RALGAPA1: variants seen among roughly 807,000 people sequenced by gnomAD.
RALGAPA1 encodes ral GTPase-activating protein subunit alpha-1.
RALGAPA1 carries 52 observed loss-of-function variants against 269.6 expected under a neutral mutation model. The ratio of observed to expected loss-of-function variants is 0.19; its 90% CI spans 0.15 to 0.24. The LOEUF is 0.24. Ranked by LOEUF, RALGAPA1 falls within the 10% of genes least tolerant of loss-of-function variation. The pLI is 1.00. For synonymous variants in RALGAPA1, 817 were observed against 1,008.3 expected (o/e 0.81, Z 3.60); for missense variants, 1,917 against 3,013.9 (o/e 0.64, Z 8.52).
At chr14:35,554,447 C>G (rs1239930027) in intron 39 of RALGAPA1, among the ~76,000 whole-genome samples, 1 of 145,636 alleles carries the variant, frequency 6.9e-6, no homozygotes, top group Admixed American at 7.0e-5. Flanking sequence ...CCCGGGTTCA[C>G]GCCATTCTCC....
rs1164425866 is a variant in RALGAPA1, at chr14:35,603,145, C to A, written c.7053+2441G>T. 5.3e-5 allele frequency among the ~76,000 whole-genome samples: 8 copies of A among 152,182 alleles called. No homozygotes were observed. The East Asian group carries it at 1.5e-3, about 29-fold the overall frequency. On this transcript the variant is annotated intron_variant, in intron 36 of 41. Transcript: ENST00000680220. ...CCACACTATCTTCTTTTTCTTTTTC[C>A]TAAGTTCTGCCCCAGGATCTATCCA...
In RALGAPA1 at chr14:35,725,100, G is replaced by A. The variant is rs2069769523; in HGVS notation, c.1790C>T (p.Pro597Leu). 3.1e-6 allele frequency: 5 copies of A among 1,607,946 alleles called. No homozygotes were observed. The highest frequency in any genetic ancestry group is 2.7e-5 in the African/African-American group (2 of 74,744). The stretch of plus-strand genomic sequence containing the variant: ...TTGGAACTGTAGAAAAGCTTGTGAT[G>A]GCATCTTCAGTACAGATTCCGTGAC... ...LRVTESVLKM[P>L]SQAFLQFQGK... The change falls in exon 14 of 42, where the codon CCA becomes CTA. Residue 597 changes from proline (P) to leucine (L), a missense_variant. Pro to Leu is a moderately conservative substitution (Grantham distance 98, BLOSUM62 -3). Around this residue, in one of 11 missense-constraint regions of RALGAPA1, gnomAD observed 462 missense variants for 725.6 expected, o/e 0.64. Coordinates refer to ENST00000680220, the MANE Select transcript of RALGAPA1 (RefSeq NM_001346249.2).
In RALGAPA1 at chr14:35,760,870, G is replaced by T; in HGVS notation, c.506C>A (p.Thr169Asn). The change falls in exon 6 of 42, where the codon ACT becomes AAT. Residue 169 changes from threonine (T) to asparagine (N), a missense_variant. By Grantham distance (65) the Thr-to-Asn change is moderately conservative (BLOSUM62 0). Coordinates refer to ENST00000680220, the MANE Select transcript of RALGAPA1 (RefSeq NM_001346249.2). ...TGGAGGATTAATGAGATTATCTAAA[G>T]TTCGAGGTCCATGTTCAGACTGTGG... The part of the protein sequence containing the change: ...SAPQSEHGPR[T>N]LDNLINPPLN... The T allele has an allele frequency of 6.2e-7, 1 of 1,612,052 alleles. No homozygotes were observed. Among genetic ancestry groups the T allele is most frequent in the Non-Finnish European group, 8.5e-7 (1 of 1,179,204 alleles).
In RALGAPA1 at chr14:35,680,905, C is replaced by T. The variant is rs543970589; in HGVS notation, c.4472-2803G>A. The stretch of plus-strand genomic sequence containing the variant: ...CTGGGATTACAGGTGTGAGCCACCA[C>T]GCCCGGCCTATTTTATTTTTAAAAA... On this transcript the variant is annotated intron_variant, in intron 21 of 41. Coordinates refer to ENST00000680220, the MANE Select transcript of RALGAPA1 (RefSeq NM_001346249.2). Among the ~76,000 whole-genome samples the T allele has an allele frequency of 7.2e-5, 11 of 152,270 alleles. No homozygotes were observed. The East Asian group carries it at 1.9e-3, about 27-fold the overall frequency.
rs71404860 is a variant in RALGAPA1, at chr14:35,600,233, T to TTTTC, written c.7054-4445_7054-4444insGAAA. On this transcript the variant is annotated intron_variant, in intron 36 of 41. Transcript: ENST00000680220. ...CCTTTTTTTTCTTTTTCTTTTTTTC[T>TTTTC]TTTTTTTTTTTTTTTTGAGACAGGG... Among the ~76,000 whole-genome samples the TTTTC allele has an allele frequency of 4.8e-3, 398 of 82,212 alleles. 8 individuals are homozygous for TTTTC. The highest frequency in any genetic ancestry group is 0.031 in the African/African-American group (361 of 11,664). 53.9% of individuals were successfully genotyped at this position (82,212 alleles called of 152,430 possible). A position where few individuals can be genotyped will look rare whatever the true frequency, so the allele number is the denominator to read the frequency against.
At chr14:35,728,755 CAG>C (rs2070200832) in intron 12 of RALGAPA1, among the ~76,000 whole-genome samples, 1 of 147,222 alleles carries the variant, frequency 6.8e-6, no homozygotes, top group African/African-American at 2.5e-5. Context: ...TTTTTCGAGA[CAG>C]AGTCTTGTTT....
intron 36 of RALGAPA1, among the ~76,000 whole-genome samples, chr14:35,602,594 T>C (rs1446696266): frequency 6.6e-6 from 1 of 152,248 alleles, no homozygotes; most frequent in Non-Finnish European, 1.5e-5. Flanking sequence ...CATGTGCTTA[T>C]TGGTCATATA....
At position 35,686,613 on chromosome 14, in the gene RALGAPA1, C is replaced by A. The variant is rs142557972; in HGVS notation, c.4006G>T (p.Gly1336Cys). 1 of 1,608,204 alleles carries A rather than the reference C, an allele frequency of 6.2e-7. No individual in the cohort carries two copies. The highest frequency in any genetic ancestry group is 2.2e-5 in the East Asian group (1 of 44,692). The change falls in exon 19 of 42, where the codon GGC (glycine) becomes TGC (cysteine). Residue 1336 changes from glycine to cysteine, a missense_variant. This residue lies in a region of RALGAPA1 where 615 missense variants were observed against 790.0 expected (regional missense o/e 0.78). Coordinates refer to ENST00000680220, the MANE Select transcript of RALGAPA1 (RefSeq NM_001346249.2). ...AGATCAGGAACATTAGCACTGCTGCCGCCAATATCACTATTAAGAGGAGGC... is the reference window on the plus strand; with the variant it reads ...AGATCAGGAACATTAGCACTGCTGCAGCCAATATCACTATTAAGAGGAGGC... ...KLPPLNSDIG[G>C]SSANVPDLMD... is the part of the protein sequence containing the mutation.
intron 34 of RALGAPA1, 41 bp downstream of exon 34, chr14:35,627,049 G>GAAA (rs34349314): frequency 3.2e-3 from 3,570 of 1,120,668 alleles, no homozygotes; most frequent in East Asian, 8.6e-3. Flanking sequence ...GAATAAGACC[G>GAAA]AAAAAAAAAA....
chr14:35,739,348 C>G (rs2071339117), intron 11 of RALGAPA1, among the ~76,000 whole-genome samples: 1 of 152,150 alleles, frequency 6.6e-6, no homozygotes, highest in Non-Finnish European at 1.5e-5. Context: ...CCAATACAAA[C>G]AGTTCTGCCA....
chr14:35,713,194 T>C (rs973351500), intron 16 of RALGAPA1, among the ~76,000 whole-genome samples: 1 of 152,144 alleles, frequency 6.6e-6, no homozygotes, highest in Non-Finnish European at 1.5e-5. Context: ...CTTGCAGCAA[T>C]GTAGATGTAG....
intron 37 of RALGAPA1, among the ~76,000 whole-genome samples, chr14:35,588,392 G>A (rs954872377): frequency 2.0e-5 from 3 of 152,134 alleles, no homozygotes; most frequent in African/African-American, 4.8e-5. Context: ...AAAGGTCACA[G>A]GAATAAACTA....
At chr14:35,771,761 C>T (rs562399466) in intron 3 of RALGAPA1, among the ~76,000 whole-genome samples, 48 of 152,190 alleles carry the variant, frequency 3.2e-4, no homozygotes, top group Non-Finnish European at 6.2e-4. Context: ...AGCCTTAACT[C>T]CCAGACTCAA....
chr14:35,647,755 C>T (rs1009487292), intron 31 of RALGAPA1, among the ~76,000 whole-genome samples: 1 of 150,086 alleles, frequency 6.7e-6, no homozygotes, highest in Admixed American at 6.6e-5. Context: ...GAATTTGAGA[C>T]CAGCCTGGCC....
chr14:35,793,194 G>A (rs2141822300), intron 1 of RALGAPA1, among the ~76,000 whole-genome samples: 1 of 151,370 alleles, frequency 6.6e-6, no homozygotes, highest in Middle Eastern at 3.5e-3. Context: ...ATTTATTAAA[G>A]TAGACGTATT....
chr14:35,808,352 A>T (rs1236806111), intron 1 of RALGAPA1, among the ~76,000 whole-genome samples: 1 of 152,148 alleles, frequency 6.6e-6, no homozygotes, highest in African/African-American at 2.4e-5. Flanking sequence ...ATATTGTCTG[A>T]GAGAGGATTT....
intron 35 of RALGAPA1, among the ~76,000 whole-genome samples, chr14:35,613,916 A>G (rs1355383852): frequency 6.6e-6 from 1 of 152,208 alleles, no homozygotes; most frequent in Non-Finnish European, 1.5e-5. Flanking sequence ...AGCAATGAAA[A>G]ATACTCATGA....
intron 1 of RALGAPA1, among the ~76,000 whole-genome samples, chr14:35,802,810 T>A (rs1374647418): frequency 3.9e-5 from 6 of 151,912 alleles, no homozygotes; most frequent in African/African-American, 1.5e-4. Flanking sequence ...GCCTCCCAGG[T>A]GACTGGGATC....
chr14:35,632,289 T>G (rs2139691263), intron 33 of RALGAPA1, among the ~76,000 whole-genome samples: 1 of 152,290 alleles, frequency 6.6e-6, no homozygotes, highest in Non-Finnish European at 1.5e-5. Context: ...AATTCTAAAA[T>G]AACCAGTCTT....
Sources: gnomAD v4.1 joint callset for allele counts (sites outside exome capture counted in the v4.1 genomes callset) on GRCh38, gnomAD v4.1.1 for gene constraint, gnomAD v4.1.1 regional missense constraint, MANE v1.5 for transcripts, NCBI Gene and HGNC (gene_info 2026-07-23, HGNC 2026-07-21) for gene names.